CSE1L: variants seen among roughly 807,000 people sequenced by gnomAD.
The protein encoded by CSE1L is chromosome segregation 1 like.
A neutral mutation model predicts 120.4 loss-of-function variants in CSE1L; 24 were observed. That is an observed-to-expected ratio of 0.20 (90% CI 0.14 to 0.28). CSE1L has a LOEUF of 0.28. Among genes scored for constraint, CSE1L ranks in the 10% least tolerant of loss-of-function variants. CSE1L has a pLI of 1.00. For synonymous variants in CSE1L, 402 were observed against 398.3 expected (o/e 1.01, Z -0.11); for missense variants, 830 against 1,145.2 (o/e 0.72, Z 3.97).
chr20:49,065,312 A>ATTTTTTTTTTTTTTTTT (rs1568769017), intron 3 of CSE1L, among the ~76,000 whole-genome samples: 4 of 79,396 alleles, frequency 5.0e-5, no homozygotes, highest in Non-Finnish European at 7.3e-5. Context: ...ATGAAAAAAA[A>ATTTTTTTTTTTTTTTTT]ATTTTTTTTT....
At chr20:49,090,658 T>C (rs1319340256) in intron 19 of CSE1L, 84 bp from the exon 20 acceptor site, 6 of 1,000,296 alleles carry the variant, frequency 6.0e-6, no homozygotes, top group African/African-American at 1.6e-5. Flanking sequence ...CAGTATGAAC[T>C]CTGTTTTAAG....
Position 49,094,843 on chromosome 20 carries a change from C to T in CSE1L, c.2706C>T (p.Ala902=), listed in dbSNP as rs1185687319. 3 of 1,614,068 alleles carry T rather than the reference C, an allele frequency of 1.9e-6. No individual in the cohort carries two copies. In the East Asian group the frequency reaches 6.7e-5, roughly 36 times the overall value. Residue 902 remains alanine (A), a synonymous_variant, in exon 24 of 25, where the codon GCC becomes GCT. Transcript: ENST00000262982. ...AAGATACACCAGGATATCAGACTGC[C>T]TTCTCACAGTTGGCATTTGCTGGGA... ...DIEDTPGYQT[A]FSQLAFAGKK...
chr20:49,090,665 T>A (rs2092094249), intron 19 of CSE1L, 77 bp from the exon 20 acceptor site: 1 of 1,074,686 alleles, frequency 9.3e-7, no homozygotes, highest in East Asian at 2.4e-5. Context: ...AACTCTGTTT[T>A]AAGACATATA....
intron 11 of CSE1L, 81 bp downstream of exon 11, chr20:49,074,931 T>G: frequency 9.8e-7 from 1 of 1,015,892 alleles, no homozygotes; most frequent in Non-Finnish European, 1.5e-6. Flanking sequence ...ATGGGAGAAG[T>G]GGGATTGAGA....
intron 13 of CSE1L, 79 bp downstream of exon 13, chr20:49,077,143 C>T: frequency 1.4e-6 from 1 of 733,858 alleles, no homozygotes; most frequent in Non-Finnish European, 2.1e-6. Context: ...TATCCTTGTT[C>T]CCTTTTGTTC....
At chr20:49,094,585 G>A in intron 23 of CSE1L, 147 bp from the exon 24 acceptor site, 1 of 657,154 alleles carries the variant, frequency 1.5e-6, no homozygotes, top group Non-Finnish European at 2.6e-6. Context: ...AACTGAATAA[G>A]CCAAGAAAAG....
At chr20:49,085,974 G>A (rs1490977300) in intron 16 of CSE1L, among the ~76,000 whole-genome samples, 3 of 152,084 alleles carry the variant, frequency 2.0e-5, no homozygotes, top group African/African-American at 4.8e-5. Flanking sequence ...ATCATGCAAC[G>A]TTTATTAACT....
chr20:49,059,290 C>T (rs2091833298), intron 2 of CSE1L, among the ~76,000 whole-genome samples: 2 of 151,850 alleles, frequency 1.3e-5, no homozygotes, highest in Admixed American at 6.6e-5. Context: ...ATTTTAAGAC[C>T]TAGAGCTTTT....
At chr20:49,062,643 G>C (rs1417431258) in intron 2 of CSE1L, among the ~76,000 whole-genome samples, 5 of 152,120 alleles carry the variant, frequency 3.3e-5, no homozygotes, top group African/African-American at 9.6e-5. Flanking sequence ...TCTTGAACAA[G>C]TTACTTAACC....
chr20:49,081,311 T>C (rs1320347967), intron 14 of CSE1L, among the ~76,000 whole-genome samples: 1 of 152,030 alleles, frequency 6.6e-6, no homozygotes, highest in African/African-American at 2.4e-5. Context: ...TGAAACAGGG[T>C]CTCGTTCTGT....
chr20:49,070,046 T>G (rs1220880324), intron 7 of CSE1L, among the ~76,000 whole-genome samples, 159 bp from the exon 8 acceptor site: 1 of 152,252 alleles, frequency 6.6e-6, no homozygotes, highest in Non-Finnish European at 1.5e-5. Flanking sequence ...TTTATGCAGC[T>G]GCCAGATGTA....
rs185285523 is a variant in CSE1L, at chr20:49,053,294, C to T, written c.-11-5159C>T. Among the ~76,000 whole-genome samples the T allele has an allele frequency of 1.1e-4, 17 of 149,302 alleles. No homozygotes were observed. The East Asian group carries it at 2.2e-3, about 19-fold the overall frequency. ...CATATGGCAAAGAAAGGCCAATTTC[C>T]TTTAACTCAGATACACTGATGTTAA... On this transcript the variant is annotated intron_variant, in intron 1 of 24. Transcript: ENST00000262982.
intron 1 of CSE1L, among the ~76,000 whole-genome samples, chr20:49,054,309 G>C (rs576657373): frequency 6.6e-6 from 1 of 152,304 alleles, no homozygotes; most frequent in East Asian, 1.9e-4. Context: ...CTGGCTGTTG[G>C]GGAGTGCCCT....
intron 10 of CSE1L, 87 bp downstream of exon 10, chr20:49,072,784 GGATAAAACTT>G (rs1372581905): frequency 1.6e-6 from 2 of 1,239,692 alleles, no homozygotes; most frequent in Non-Finnish European, 2.2e-6. Flanking sequence ...ATTTATTACT[GGATAAAACTT>G]GTATGTCATT....
chr20:49,061,489 A>ATT (rs747121923), intron 2 of CSE1L, among the ~76,000 whole-genome samples: 1 of 76,698 alleles, frequency 1.3e-5, no homozygotes, highest in African/African-American at 7.7e-5. Flanking sequence ...TATTATTATT[A>ATT]TTTATTTATT....
At chr20:49,079,782 G>A (rs1482256098) in intron 14 of CSE1L, among the ~76,000 whole-genome samples, 1 of 151,932 alleles carries the variant, frequency 6.6e-6, no homozygotes, top group East Asian at 1.9e-4. Flanking sequence ...ATTTGCATTT[G>A]GTCTAAAACA....
chr20:49,094,612 A>G lies in CSE1L; in HGVS notation c.2595-120A>G, dbSNP rs1355440645. The G allele has an allele frequency of 2.7e-5, 19 of 693,666 alleles. 1 individual carries two copies. Among genetic ancestry groups the G allele is most frequent in the Non-Finnish European group, 4.9e-6 (2 of 407,888 alleles). 43.0% of individuals were successfully genotyped at this position (693,666 alleles called of 1,614,324 possible). ...CAAGAAAAGAACCATCTTAATTTCA[A>G]AGGTCCCCTTTTATTCTTGAGACTA... On this transcript the variant is annotated intron_variant, in intron 23 of 24. Transcript: ENST00000262982.
chr20:49,088,138 T>G, intron 17 of CSE1L, 32 bp downstream of exon 17: 1 of 1,443,376 alleles, frequency 6.9e-7, no homozygotes, highest in African/African-American at 1.4e-5. Context: ...GTGGGGTTCC[T>G]TTTTTATTTG....
At chr20:49,065,823 A>G (rs1022691375) in intron 3 of CSE1L, among the ~76,000 whole-genome samples, 1 of 151,984 alleles carries the variant, frequency 6.6e-6, no homozygotes, top group African/African-American at 2.4e-5. Context: ...CAAACTCCTG[A>G]CCTCAGGTGA....
Sources: allele counts gnomAD v4.1 joint callset (sites outside exome capture counted in the v4.1 genomes callset), GRCh38; gene constraint gnomAD v4.1.1; transcripts MANE v1.5; gene names NCBI Gene and HGNC (gene_info 2026-07-23, HGNC 2026-07-21).